Variants in LRMDA observed in about 807,000 individuals in gnomAD.
LRMDA encodes the protein leucine rich melanocyte differentiation associated.
In LRMDA, 18 loss-of-function variants were observed where a neutral mutation model predicts 29.8. The observed-to-expected ratio is 0.60, with a 90% CI of 0.42 to 0.90. LRMDA has a LOEUF of 0.90. Ranked by LOEUF, LRMDA falls within the 40% of genes least tolerant of loss-of-function variation. LRMDA has a pLI of 0.00. For missense variants in LRMDA, 273 were observed against 273.9 expected, an observed-to-expected ratio of 1.00 and a Z score of 0.02; for synonymous variants, 125 against 109.4, an observed-to-expected ratio of 1.14 and a Z score of -0.89.
intron 2 of LRMDA, among the ~76,000 whole-genome samples, chr10:75,924,870 C>G (rs964908222): frequency 3.3e-5 from 5 of 152,112 alleles, no homozygotes; most frequent in African/African-American, 1.2e-4. Flanking sequence ...CAAGGGCCAA[C>G]AAATTAAATT....
intron 6 of LRMDA, among the ~76,000 whole-genome samples, chr10:76,407,256 G>T (rs1841912224): frequency 6.6e-6 from 1 of 152,136 alleles, no homozygotes; most frequent in Non-Finnish European, 1.5e-5. Flanking sequence ...TTGTTTGCCA[G>T]GTGCTCCATA....
chr10:76,268,330 T>C (rs1221530848), intron 5 of LRMDA, among the ~76,000 whole-genome samples: 1 of 152,196 alleles, frequency 6.6e-6, no homozygotes, highest in Admixed American at 6.5e-5. Context: ...TCTCCTCCTG[T>C]TGCTCATTCC....
chr10:75,993,483 A>G (rs143497289), intron 2 of LRMDA, among the ~76,000 whole-genome samples: 6 of 152,316 alleles, frequency 3.9e-5, no homozygotes, highest in Non-Finnish European at 7.4e-5. Flanking sequence ...CTGTAATCCC[A>G]GCACTTTGGG....
intron 6 of LRMDA, among the ~76,000 whole-genome samples, chr10:76,474,693 G>C (rs1193197047): frequency 6.6e-6 from 1 of 151,532 alleles, no homozygotes; most frequent in Non-Finnish European, 1.5e-5. Flanking sequence ...ACATCCACTA[G>C]AATGGCTATA....
At chr10:75,701,678 C>T (rs963227485) in intron 2 of LRMDA, among the ~76,000 whole-genome samples, 2 of 152,168 alleles carry the variant, frequency 1.3e-5, no homozygotes, top group African/African-American at 4.8e-5. Context: ...CCCCCACTAG[C>T]TGAATCATGA....
At chr10:75,616,279 CAGCAGT>C (rs1283953651) in intron 2 of LRMDA, among the ~76,000 whole-genome samples, 1 of 151,558 alleles carries the variant, frequency 6.6e-6, no homozygotes, top group African/African-American at 2.4e-5. Flanking sequence ...GCAGCAGCAG[CAGCAGT>C]AGTAGTAGTA....
At chr10:76,475,348 A>C (rs1439307464) in intron 6 of LRMDA, among the ~76,000 whole-genome samples, 1 of 151,916 alleles carries the variant, frequency 6.6e-6, no homozygotes, top group Admixed American at 6.6e-5. Flanking sequence ...ATATCTCAAT[A>C]AAACTTTTAT....
chr10:76,348,787 C>A (rs1370066596), intron 6 of LRMDA, among the ~76,000 whole-genome samples: 2 of 152,204 alleles, frequency 1.3e-5, no homozygotes, highest in African/African-American at 2.4e-5. Flanking sequence ...AAGGAACTTA[C>A]AGTTTAGGAG....
chr10:76,364,819 C>A (rs576488101), intron 6 of LRMDA, among the ~76,000 whole-genome samples: 1 of 151,660 alleles, frequency 6.6e-6, no homozygotes, highest in South Asian at 2.1e-4. Flanking sequence ...ATACACTGCA[C>A]CACATTTGTA....
At chr10:76,116,087 G>T (rs1236429804) in intron 5 of LRMDA, among the ~76,000 whole-genome samples, 10 of 152,124 alleles carry the variant, frequency 6.6e-5, no homozygotes, top group Admixed American at 2.6e-4. Flanking sequence ...CAGGCCCTGT[G>T]GGTATGAATG....
At chr10:76,014,613 C>T (rs570683680) in intron 2 of LRMDA, among the ~76,000 whole-genome samples, 35 of 152,308 alleles carry the variant, frequency 2.3e-4, no homozygotes, top group Admixed American at 2.0e-3. Context: ...AATAGCAGTT[C>T]AGCTTGGAGA....
At chr10:75,962,503 C>G (rs1472007160) in intron 2 of LRMDA, among the ~76,000 whole-genome samples, 1 of 152,192 alleles carries the variant, frequency 6.6e-6, no homozygotes. Context: ...CCTACTGGAC[C>G]AGATGACCCT....
intron 5 of LRMDA, among the ~76,000 whole-genome samples, chr10:76,141,166 G>A (rs1307656409): frequency 6.6e-6 from 1 of 152,044 alleles, no homozygotes; most frequent in Non-Finnish European, 1.5e-5. Context: ...TTCAGAAGAG[G>A]AGGGAAAAAT....
chr10:76,122,288 C>T (rs1367814527), intron 5 of LRMDA, among the ~76,000 whole-genome samples: 1 of 151,888 alleles, frequency 6.6e-6, no homozygotes, highest in Admixed American at 6.6e-5. Flanking sequence ...TCTGCTGCGG[C>T]AGATTGTCTC....
At chr10:75,605,628 C>G (rs1174567974) in intron 2 of LRMDA, among the ~76,000 whole-genome samples, 1 of 152,210 alleles carries the variant, frequency 6.6e-6, no homozygotes, top group Non-Finnish European at 1.5e-5. Context: ...CCTGCCGCTG[C>G]TCTAATGTTA....
intron 2 of LRMDA, among the ~76,000 whole-genome samples, chr10:75,958,157 G>C (rs1846697177): frequency 6.6e-6 from 1 of 152,184 alleles, no homozygotes; most frequent in African/African-American, 2.4e-5. Context: ...AAGGATGGGA[G>C]GAGGAGGGTG....
chr10:76,099,251 T>C (rs1849360032), intron 5 of LRMDA, among the ~76,000 whole-genome samples: 1 of 152,212 alleles, frequency 6.6e-6, no homozygotes, highest in South Asian at 2.1e-4. Context: ...ATAAACTAAG[T>C]TCCTCCCAAA....
At chr10:76,161,126 G>T (rs1445142038) in intron 5 of LRMDA, among the ~76,000 whole-genome samples, 1 of 152,138 alleles carries the variant, frequency 6.6e-6, no homozygotes, top group African/African-American at 2.4e-5. Context: ...CCAGTCTTTG[G>T]CTTGAGATAT....
At chr10:75,741,623 T>C (rs1331622620) in intron 2 of LRMDA, among the ~76,000 whole-genome samples, 1 of 152,022 alleles carries the variant, frequency 6.6e-6, no homozygotes, top group East Asian at 1.9e-4. Context: ...ACCACAAGGG[T>C]ATTTGGTGTG....
Sources: allele counts gnomAD v4.1 joint callset (sites outside exome capture counted in the v4.1 genomes callset), GRCh38; gene constraint gnomAD v4.1.1; transcripts MANE v1.5; gene names NCBI Gene and HGNC (gene_info 2026-07-23, HGNC 2026-07-21).